LARGE1: variants seen among roughly 807,000 people sequenced by gnomAD.
The protein encoded by LARGE1 is LARGE xylosyl- and glucuronyltransferase 1.
LARGE1 carries 43 observed loss-of-function variants against 87.6 expected under a neutral mutation model. The ratio of observed to expected loss-of-function variants is 0.49; its 90% CI spans 0.38 to 0.63. The LOEUF (loss-of-function observed/expected upper bound fraction) is 0.63, where lower values mean the gene tolerates loss of function less well. Among genes scored for constraint, LARGE1 ranks in the 30% least tolerant of loss-of-function variants. The pLI, the probability that LARGE1 is intolerant of heterozygous loss-of-function variation, is 0.00. For synonymous variants in LARGE1, 434 were observed against 394.6 expected (o/e 1.10, Z -1.18); for missense variants, 802 against 1,000.2 (o/e 0.80, Z 2.67).
chr22:33,235,784 T>C (rs975750018), intron 11 of LARGE1, among the ~76,000 whole-genome samples: 1 of 152,162 alleles, frequency 6.6e-6, no homozygotes, highest in Non-Finnish European at 1.5e-5. Context: ...TACAGTATTC[T>C]AGTGGTCAAA....
At chr22:33,728,670 T>C (rs150290630) in intron 2 of LARGE1, among the ~76,000 whole-genome samples, 6 of 151,146 alleles carry the variant, frequency 4.0e-5, no homozygotes, top group South Asian at 4.2e-4. Flanking sequence ...ACACTCCCAG[T>C]AGGCAATGCC....
intron 2 of LARGE1, among the ~76,000 whole-genome samples, chr22:33,698,196 C>T (rs2082307917): frequency 6.6e-6 from 1 of 152,028 alleles, no homozygotes; most frequent in Non-Finnish European, 1.5e-5. Flanking sequence ...CCTCAGGCTG[C>T]CGAGTAGCTG....
intron 11 of LARGE1, among the ~76,000 whole-genome samples, chr22:33,185,665 G>A (rs1017042418): frequency 3.3e-5 from 5 of 152,254 alleles, no homozygotes; most frequent in African/African-American, 9.6e-5. Flanking sequence ...AGGGGTGTAT[G>A]AGAACTCTCT....
chr22:33,188,736 A>G (rs902967181), intron 11 of LARGE1, among the ~76,000 whole-genome samples: 5 of 152,144 alleles, frequency 3.3e-5, no homozygotes, highest in African/African-American at 1.2e-4. Flanking sequence ...TTCTCATGGG[A>G]GTCCTATTGC....
At chr22:33,150,317 C>A in the LARGE1 span, among the ~76,000 whole-genome samples, 1 of 152,100 alleles carries the variant, frequency 6.6e-6, no homozygotes, top group African/African-American at 2.4e-5. Flanking sequence ...AGACTGATCT[C>A]CCATCTCCTC....
chr22:33,182,191 A>G (rs1471049400), intron 11 of LARGE1, among the ~76,000 whole-genome samples: 4 of 152,226 alleles, frequency 2.6e-5, no homozygotes, highest in Admixed American at 2.6e-4. Flanking sequence ...TTAAGGTAAA[A>G]TATAAGTAGT....
intron 6 of LARGE1, among the ~76,000 whole-genome samples, chr22:33,483,502 C>G (rs934073617): frequency 6.6e-6 from 1 of 151,936 alleles, no homozygotes; most frequent in African/African-American, 2.4e-5. Flanking sequence ...ACAGAAAGGA[C>G]AGAGGTAAAA....
Position 33,485,005 on chromosome 22 carries a change from G to C in LARGE1, c.788-52740C>G, listed in dbSNP as rs181666393. Among the ~76,000 whole-genome samples, 441 of 144,314 alleles carry C rather than the reference G, an allele frequency of 3.1e-3. 2 individuals are homozygous for C. Among genetic ancestry groups the C allele is most frequent in the Middle Eastern group, 0.025 (6 of 244 alleles). 94.7% of individuals were successfully genotyped at this position (144,314 alleles called of 152,430 possible). ...TGGCTCACTGCAACCTCCAACTTCAGGGTTCAAGAGATTCTCCTGCCTCAG... is the reference window on the plus strand; with the variant it reads ...TGGCTCACTGCAACCTCCAACTTCACGGTTCAAGAGATTCTCCTGCCTCAG... On this transcript the variant is annotated intron_variant, in intron 6 of 14. Transcript: ENST00000397394.
the LARGE1 span, among the ~76,000 whole-genome samples, chr22:33,069,204 T>A: frequency 1.3e-5 from 2 of 152,076 alleles, no homozygotes; most frequent in African/African-American, 4.8e-5. Context: ...CATTCGGCCG[T>A]CTAACAATGC....
intron 1 of LARGE1, among the ~76,000 whole-genome samples, chr22:33,887,950 T>C (rs1160948528): frequency 1.3e-5 from 2 of 152,210 alleles, no homozygotes; most frequent in South Asian, 2.1e-4. Flanking sequence ...AAACCACCAC[T>C]TCCCAGAAGG....
At chr22:33,862,218 G>A (rs1390095292) in intron 1 of LARGE1, among the ~76,000 whole-genome samples, 3 of 152,116 alleles carry the variant, frequency 2.0e-5, no homozygotes, top group Non-Finnish European at 4.4e-5. Context: ...CACGGCAAGT[G>A]GTGAAGACAA....
At position 33,893,374 on chromosome 22, in the gene LARGE1, C is replaced by A. The variant is rs147718934; in HGVS notation, c.-83+26621G>T. Among the ~76,000 whole-genome samples, 585 of 152,292 alleles carry A rather than the reference C, an allele frequency of 3.8e-3. 2 individuals are homozygous for A. Among genetic ancestry groups the A allele is most frequent in the African/African-American group, 0.013 (533 of 41,560 alleles). Reference sequence around the variant, plus strand: ...TCCATGTCCTTTCTGGATCCACTAACACTAGTAGAGGCCACCATTTACTCC... The same window carrying A: ...TCCATGTCCTTTCTGGATCCACTAAAACTAGTAGAGGCCACCATTTACTCC... On this transcript the variant is annotated intron_variant, in intron 1 of 14. Coordinates refer to ENST00000397394, the MANE Select transcript of LARGE1 (RefSeq NM_133642.5).
chr22:33,421,209 A>C (rs9607043), intron 7 of LARGE1, among the ~76,000 whole-genome samples: 9,397 of 120,992 alleles, frequency 0.078, 532 homozygotes, highest in Admixed American at 0.22. Flanking sequence ...AAAATAAAAT[A>C]AAATCAATCA....
At chr22:33,331,297 G>GC (rs1405524273) in intron 10 of LARGE1, among the ~76,000 whole-genome samples, 1 of 152,108 alleles carries the variant, frequency 6.6e-6, no homozygotes, top group Non-Finnish European at 1.5e-5. Flanking sequence ...TTACCAGAGA[G>GC]CTCATACTCT....
At chr22:33,756,680 G>A (rs1050138032) in intron 2 of LARGE1, among the ~76,000 whole-genome samples, 1 of 152,186 alleles carries the variant, frequency 6.6e-6, no homozygotes, top group African/African-American at 2.4e-5. Context: ...GCAGTATGGT[G>A]GGGATTAGGG....
chr22:33,755,825 C>G (rs576594162), intron 2 of LARGE1, among the ~76,000 whole-genome samples: 1 of 152,144 alleles, frequency 6.6e-6, no homozygotes, highest in Non-Finnish European at 1.5e-5. Flanking sequence ...GGGAGTGTAA[C>G]GACGAATAAA....
rs780682266 is a variant in LARGE1, at chr22:33,761,469, C to G, written c.8G>C (p.Gly3Ala). The G allele has an allele frequency of 2.5e-6, 4 of 1,613,478 alleles. No homozygotes were observed. The African/African-American group carries it at 5.3e-5, about 22-fold the overall frequency. ...GAATTTCCGTCTCCCCCTGCAGATTCCCAGCATCCTCTCAGAAGTGGCAAT... is the reference window on the plus strand; with the variant it reads ...GAATTTCCGTCTCCCCCTGCAGATTGCCAGCATCCTCTCAGAAGTGGCAAT... ML[G>A]ICRGRRKFLA... The change falls in exon 2 of 15, where the codon GGA (glycine) becomes GCA (alanine). Residue 3 changes from glycine to alanine, a missense_variant. Coordinates refer to ENST00000397394, the MANE Select transcript of LARGE1 (RefSeq NM_133642.5).
intron 1 of LARGE1, among the ~76,000 whole-genome samples, chr22:33,869,955 C>T (rs889795894): frequency 2.0e-5 from 3 of 152,290 alleles, no homozygotes; most frequent in South Asian, 2.1e-4. Flanking sequence ...TGTGGAGTCT[C>T]GCATTTCACC....
At chr22:33,284,169 A>T (rs1602234519) in intron 12 of LARGE1, among the ~76,000 whole-genome samples, 1 of 152,188 alleles carries the variant, frequency 6.6e-6, no homozygotes, top group East Asian at 1.9e-4. Flanking sequence ...AAAGGATCAC[A>T]GGGGTTACAG....
Sources: gnomAD v4.1 joint callset for allele counts (sites outside exome capture counted in the v4.1 genomes callset) on GRCh38, gnomAD v4.1.1 for gene constraint, MANE v1.5 for transcripts, NCBI Gene and HGNC (gene_info 2026-07-23, HGNC 2026-07-21) for gene names.